Variants in MBNL2 observed in about 807,000 individuals in gnomAD.
MBNL2 encodes muscleblind-like protein 2.
A neutral mutation model predicts 41.9 loss-of-function variants in MBNL2; 17 were observed. The observed-to-expected ratio is 0.41, with a 90% CI of 0.28 to 0.61. The LOEUF is 0.61. MBNL2 is among the 20% of genes least tolerant of loss of function. The pLI, the probability that MBNL2 is intolerant of heterozygous loss-of-function variation, is 0.35. For synonymous variants in MBNL2, 195 were observed against 182.9 expected, an observed-to-expected ratio of 1.07 and a Z score of -0.53; for missense variants, 336 against 505.6, an observed-to-expected ratio of 0.66 and a Z score of 3.22.
rs796357474 is a variant in MBNL2, at chr13:97,333,972, G to A, written c.175-304G>A. On this transcript the variant is annotated intron_variant, in intron 2 of 8. Transcript: ENST00000679496. The stretch of plus-strand genomic sequence containing the variant: ...GAAAGAAAGAAGGAAGGAAGGAAGG[G>A]AGGGAGGGAGGGAGGGAAAGAAAGA... Among the ~76,000 whole-genome samples, 254 of 99,866 alleles carry A rather than the reference G, an allele frequency of 2.5e-3. 1 individual carries two copies. The highest frequency in any genetic ancestry group is 8.7e-3 in the African/African-American group (236 of 27,036). 65.5% of individuals were successfully genotyped at this position (99,866 alleles called of 152,430 possible). A position where few individuals can be genotyped will look rare whatever the true frequency, so the allele number is the denominator to read the frequency against.
chr13:97,161,995 G>T, the MBNL2 span, among the ~76,000 whole-genome samples: 1 of 152,198 alleles, frequency 6.6e-6, no homozygotes, highest in African/African-American at 2.4e-5. Context: ...TTGGCTCGTG[G>T]TTCCACAGGC....
At chr13:97,182,025 G>C in the MBNL2 span, among the ~76,000 whole-genome samples, 3 of 152,238 alleles carry the variant, frequency 2.0e-5, no homozygotes, top group East Asian at 5.8e-4. Context: ...GCAAAAGAAG[G>C]GTTAGTAGGG....
chr13:97,149,726 A>C, the MBNL2 span, among the ~76,000 whole-genome samples: 80 of 152,218 alleles, frequency 5.3e-4, no homozygotes, highest in Middle Eastern at 6.8e-3. Context: ...GGACCTGCAG[A>C]TTTCTAACTC....
intron 1 of MBNL2, among the ~76,000 whole-genome samples, chr13:97,267,055 A>G (rs2049969241): frequency 6.6e-6 from 1 of 152,228 alleles, no homozygotes; most frequent in Non-Finnish European, 1.5e-5. Flanking sequence ...GATCAATCTC[A>G]GTCTCAACAT....
upstream of MBNL2, among the ~76,000 whole-genome samples, chr13:97,220,625 C>A (rs1410755): frequency 6.6e-6 from 1 of 151,972 alleles, no homozygotes; most frequent in Non-Finnish European, 1.5e-5. Flanking sequence ...TTAAAAAACC[C>A]GTCTGGCAAC....
intron 5 of MBNL2, among the ~76,000 whole-genome samples, chr13:97,351,252 C>G (rs548534321): frequency 6.6e-6 from 1 of 152,308 alleles, no homozygotes; most frequent in East Asian, 1.9e-4. Flanking sequence ...GTTGTAAATA[C>G]ATATACTGTC....
chr13:97,381,249 A>G (rs2065433085), intron 8 of MBNL2, among the ~76,000 whole-genome samples: 1 of 152,232 alleles, frequency 6.6e-6, no homozygotes, highest in African/African-American at 2.4e-5. Flanking sequence ...TGATGACGAT[A>G]CACAAAGACA....
chr13:97,179,747 A>C, the MBNL2 span: 2 of 152,232 alleles, frequency 1.3e-5, no homozygotes, highest in East Asian at 3.8e-4. Flanking sequence ...TGCTTGTCCC[A>C]GCTAAGAAAC....
intron 2 of MBNL2, among the ~76,000 whole-genome samples, chr13:97,277,205 A>G (rs2052341229): frequency 1.3e-5 from 2 of 152,224 alleles, no homozygotes; most frequent in Non-Finnish European, 2.9e-5. Flanking sequence ...AGAGAATTTA[A>G]TGAAAGATCT....
chr13:97,297,647 C>CA (rs1338716371), intron 2 of MBNL2, among the ~76,000 whole-genome samples: 2 of 152,186 alleles, frequency 1.3e-5, no homozygotes, highest in Non-Finnish European at 2.9e-5. Flanking sequence ...AAAGTATCCC[C>CA]AGCCAAGACG....
chr13:97,188,503 C>T, the MBNL2 span, among the ~76,000 whole-genome samples: 1 of 152,142 alleles, frequency 6.6e-6, no homozygotes. Context: ...TTGAAATATG[C>T]ATGCCTTTTC....
At chr13:97,149,133 A>G in the MBNL2 span, among the ~76,000 whole-genome samples, 1 of 152,140 alleles carries the variant, frequency 6.6e-6, no homozygotes, top group Non-Finnish European at 1.5e-5. Context: ...TGTGGGTGTA[A>G]AACAGAGGGG....
chr13:97,366,437 C>T lies in MBNL2; in HGVS notation c.1048+1266C>T, dbSNP rs1340463052. 8.3e-7 allele frequency: 1 copy of T among 1,207,872 alleles called. No individual in the cohort carries two copies. Among genetic ancestry groups the T allele is most frequent in the Non-Finnish European group, 1.2e-6 (1 of 813,132 alleles). The allele number at this position is 1,207,872 out of a possible 1,614,324, so 74.8% of individuals were successfully genotyped here. A position where few individuals can be genotyped will look rare whatever the true frequency, so the allele number is the denominator to read the frequency against. On this transcript the variant is annotated intron_variant, in intron 8 of 8. Transcript: ENST00000679496. This position sits in a 1 kb window ranked among gnomAD's most constrained non-coding sequence, Gnocchi z 4.7. ...ATGCTACACCCTCCTGTTCATTGCT[C>T]CCATGGTTCCCCTCCTGAAAGTACC...
chr13:97,296,651 C>T (rs920351112), intron 2 of MBNL2, among the ~76,000 whole-genome samples: 5 of 151,076 alleles, frequency 3.3e-5, no homozygotes, highest in African/African-American at 7.3e-5. Flanking sequence ...TTTTTCTTTA[C>T]CATTTAAATT....
chr13:97,390,511 GT>G (rs2066314482), intron 8 of MBNL2, among the ~76,000 whole-genome samples: 2 of 152,250 alleles, frequency 1.3e-5, no homozygotes, highest in Admixed American at 1.3e-4. Context: ...AGATTAAATA[GT>G]TTTGTTACGG....
intron 1 of MBNL2, 105 bp downstream of exon 1, chr13:97,222,636 T>C (rs1594051653): frequency 2.5e-6 from 1 of 395,140 alleles, no homozygotes; most frequent in Non-Finnish European, 4.5e-6. Context: ...ATTCCACTAA[T>C]TCAATTGTAA....
chr13:97,195,038 T>G, the MBNL2 span, among the ~76,000 whole-genome samples: 22 of 152,332 alleles, frequency 1.4e-4, no homozygotes, highest in South Asian at 4.6e-3. Context: ...GCTTCTCTAA[T>G]AAAGTTGCTC....
At chr13:97,283,116 T>C (rs900838039) in intron 2 of MBNL2, among the ~76,000 whole-genome samples, 1 of 152,178 alleles carries the variant, frequency 6.6e-6, no homozygotes, top group African/African-American at 2.4e-5. Context: ...TTCCTAGTTC[T>C]TTCACCACGC....
intron 1 of MBNL2, among the ~76,000 whole-genome samples, chr13:97,238,269 G>A (rs965537448): frequency 3.3e-5 from 5 of 152,166 alleles, no homozygotes; most frequent in South Asian, 2.1e-4. Context: ...AATGGTAGAC[G>A]ACACAGGCTT....
Sources: allele counts gnomAD v4.1 joint callset (sites outside exome capture counted in the v4.1 genomes callset), GRCh38; gene constraint gnomAD v4.1.1; non-coding constraint Gnocchi (gnomAD v3.1); transcripts MANE v1.5; gene names NCBI Gene and HGNC (gene_info 2026-07-23, HGNC 2026-07-21).